Variants in ANO3 observed in about 807,000 individuals in gnomAD.
The protein encoded by ANO3 is anoctamin-3.
In ANO3, 99 loss-of-function variants were observed where a neutral mutation model predicts 144.8. The observed-to-expected ratio is 0.68, with a 90% CI of 0.58 to 0.81. The LOEUF (loss-of-function observed/expected upper bound fraction) is 0.81. Among genes scored for constraint, ANO3 ranks in the 30% least tolerant of loss-of-function variants. The pLI is 0.00. For synonymous variants in ANO3, 414 were observed against 392.6 expected, an observed-to-expected ratio of 1.05 and a Z score of -0.64; for missense variants, 905 against 1,202.2, an observed-to-expected ratio of 0.75 and a Z score of 3.66.
chr11:26,518,831 G>A (rs1369813272), intron 6 of ANO3, among the ~76,000 whole-genome samples: 1 of 151,800 alleles, frequency 6.6e-6, no homozygotes, highest in African/African-American at 2.4e-5. Context: ...AAAATATATA[G>A]CAATGCAATT....
At chr11:26,351,500 T>C (rs1232942743) in intron 1 of ANO3, among the ~76,000 whole-genome samples, 3 of 152,206 alleles carry the variant, frequency 2.0e-5, no homozygotes, top group African/African-American at 7.2e-5. Context: ...TTCTGTTTAT[T>C]TAAAAAAGAA....
At chr11:26,335,805 G>T (rs1855177360) in intron 1 of ANO3, among the ~76,000 whole-genome samples, 1 of 152,136 alleles carries the variant, frequency 6.6e-6, no homozygotes, top group Admixed American at 6.6e-5. Flanking sequence ...ACCTTTACGA[G>T]AATTGCAGAC....
chr11:26,637,610 G>C (rs1258087935), intron 20 of ANO3, among the ~76,000 whole-genome samples: 1 of 152,118 alleles, frequency 6.6e-6, no homozygotes, highest in Admixed American at 6.5e-5. Flanking sequence ...AGATATATTT[G>C]GGAGAGTTCA....
At chr11:26,540,386 G>A (rs140443643) in intron 10 of ANO3, among the ~76,000 whole-genome samples, 105 of 152,006 alleles carry the variant, frequency 6.9e-4, no homozygotes, top group African/African-American at 2.2e-3. Context: ...TCAACACCCC[G>A]TCATGCTAAA....
rs765409533 is a variant in ANO3 at position 26,273,748 on chromosome 11, C to T, written c.155-35897C>T. On this transcript the variant is annotated intron_variant, in intron 1 of 27. Coordinates refer to the ANO3 transcript ENST00000672621. ...AATTCAAAAACAAATAGACATCACA[C>T]GAGAGGAGTTAACCGAAGATGACTT... 2.6e-5 allele frequency among the ~76,000 whole-genome samples: 4 copies of T among 151,652 alleles called. No homozygotes were observed. The South Asian group carries it at 6.2e-4, about 24-fold the overall frequency.
chr11:26,541,638 G>A (rs892605760), intron 10 of ANO3, among the ~76,000 whole-genome samples: 10 of 72,358 alleles, frequency 1.4e-4, no homozygotes, highest in Non-Finnish European at 2.9e-4. Context: ...TGATGGTGAA[G>A]ATATTGTGTT....
chr11:26,209,998 C>G (rs965458721), intron 1 of ANO3, among the ~76,000 whole-genome samples: 1 of 152,116 alleles, frequency 6.6e-6, no homozygotes, highest in African/African-American at 2.4e-5. Flanking sequence ...AATTAGATAT[C>G]ATTTGTCAAT....
At chr11:26,589,757 T>G (rs751149839) in intron 14 of ANO3, among the ~76,000 whole-genome samples, 8 of 152,212 alleles carry the variant, frequency 5.3e-5, no homozygotes, top group Admixed American at 2.6e-4. Context: ...CTCCTCTCAC[T>G]TAGCCCTGTG....
intron 1 of ANO3, among the ~76,000 whole-genome samples, chr11:26,209,931 G>A (rs1019954861): frequency 1.4e-5 from 2 of 143,192 alleles, no homozygotes; most frequent in Admixed American, 7.0e-5. Flanking sequence ...CTCCCATTCT[G>A]TAGGTTGCCT....
At chr11:26,614,726 T>C (rs1046075120) in intron 17 of ANO3, among the ~76,000 whole-genome samples, 1 of 152,086 alleles carries the variant, frequency 6.6e-6, no homozygotes, top group Non-Finnish European at 1.5e-5. Context: ...GTTTTCTCCA[T>C]AGGAAGAAGT....
chr11:26,190,574 T>C (rs1287104941), intron 1 of ANO3, among the ~76,000 whole-genome samples: 2 of 152,248 alleles, frequency 1.3e-5, no homozygotes, highest in Admixed American at 1.3e-4. Flanking sequence ...ATAGTTTAAA[T>C]ATTCATGTCT....
At chr11:26,283,248 T>A (rs2133846102) in intron 1 of ANO3, among the ~76,000 whole-genome samples, 1 of 145,852 alleles carries the variant, frequency 6.9e-6, no homozygotes. Flanking sequence ...TACTCTCTAA[T>A]CCTCTTTGAA....
intron 4 of ANO3, among the ~76,000 whole-genome samples, chr11:26,500,188 C>A (rs1861136755): frequency 6.6e-6 from 1 of 152,084 alleles, no homozygotes. Flanking sequence ...ATATGTGCCA[C>A]ATTATTTATG....
intron 1 of ANO3, among the ~76,000 whole-genome samples, chr11:26,253,927 C>T (rs1217336973): frequency 1.3e-5 from 2 of 152,154 alleles, no homozygotes; most frequent in South Asian, 2.1e-4. Flanking sequence ...TACCAAATGT[C>T]GAGCGAATTT....
intron 1 of ANO3, among the ~76,000 whole-genome samples, chr11:26,243,456 G>T (rs1852707209): frequency 6.9e-6 from 1 of 144,718 alleles, no homozygotes; most frequent in Non-Finnish European, 1.5e-5. Context: ...AAAGAGAGCT[G>T]CAATAAAGAA....
chr11:26,287,119 A>C (rs879524376), intron 1 of ANO3, among the ~76,000 whole-genome samples: 25 of 152,222 alleles, frequency 1.6e-4, no homozygotes, highest in Non-Finnish European at 2.8e-4. Flanking sequence ...ACTGTGGGGC[A>C]GGAGAAAGCC....
intron 4 of ANO3, among the ~76,000 whole-genome samples, chr11:26,497,475 A>G (rs1861010224): frequency 6.6e-6 from 1 of 152,080 alleles, no homozygotes; most frequent in Non-Finnish European, 1.5e-5. Flanking sequence ...CCACAATGAG[A>G]TACTATCTTA....
chr11:26,403,311 T>A (rs1857197251), intron 1 of ANO3, among the ~76,000 whole-genome samples: 1 of 151,972 alleles, frequency 6.6e-6, no homozygotes, highest in Admixed American at 6.6e-5. Context: ...GATCATTGTA[T>A]GGATTCATTA....
chr11:26,523,223 C>G (rs189446454), intron 6 of ANO3, among the ~76,000 whole-genome samples: 4 of 152,316 alleles, frequency 2.6e-5, no homozygotes, highest in African/African-American at 9.6e-5. Context: ...CCAATCACCT[C>G]CCTCCTCAAC....
Sources: allele counts gnomAD v4.1 joint callset (sites outside exome capture counted in the v4.1 genomes callset), GRCh38; gene constraint gnomAD v4.1.1; transcripts MANE v1.5; gene names NCBI Gene and HGNC (gene_info 2026-07-23, HGNC 2026-07-21).